Variants in SIPA1L2 observed in about 807,000 individuals in gnomAD.
SIPA1L2 encodes signal-induced proliferation-associated 1-like protein 2.
A neutral mutation model predicts 163.9 loss-of-function variants in SIPA1L2; 56 were observed. The observed-to-expected ratio is 0.34, with a 90% CI of 0.28 to 0.43. The LOEUF (loss-of-function observed/expected upper bound fraction) is 0.43. Among genes scored for constraint, SIPA1L2 ranks in the 20% least tolerant of loss-of-function variants. The pLI is 1.00. For missense variants in SIPA1L2, 1,974 were observed against 2,193.5 expected (o/e 0.90, Z 2.00); for synonymous variants, 877 against 865.7 (o/e 1.01, Z -0.23).
At chr1:232,432,797 G>A (rs556089067) in intron 15 of SIPA1L2, among the ~76,000 whole-genome samples, 10 of 152,266 alleles carry the variant, frequency 6.6e-5, no homozygotes, top group African/African-American at 1.2e-4. Flanking sequence ...TATATTTGTC[G>A]GAGAAGGTGC....
chr1:232,441,229 T>A (rs1033127012), intron 14 of SIPA1L2, 62 bp downstream of exon 14: 1 of 1,277,578 alleles, frequency 7.8e-7, no homozygotes, highest in Non-Finnish European at 1.1e-6. Context: ...GCTGTACCAC[T>A]GTGTGCTGAG....
intron 2 of SIPA1L2, among the ~76,000 whole-genome samples, chr1:232,524,509 G>GA (rs1203113919): frequency 1.3e-5 from 2 of 151,864 alleles, no homozygotes; most frequent in Non-Finnish European, 2.9e-5. Context: ...CTCTACATCT[G>GA]AAAAATCTAC....
chr1:232,591,167 C>G (rs6662528), intron 1 of SIPA1L2, among the ~76,000 whole-genome samples: 41,022 of 152,018 alleles, frequency 0.27, 5,707 homozygotes, highest in African/African-American at 0.32. Flanking sequence ...GACAAAACAG[C>G]CAAAAAGCAT....
intron 9 of SIPA1L2, among the ~76,000 whole-genome samples, chr1:232,463,024 TG>T (rs745716567): frequency 6.5e-4 from 99 of 152,344 alleles, no homozygotes; most frequent in Non-Finnish European, 1.1e-3. Context: ...AAGCCAGGAC[TG>T]GCTATGTAAT....
chr1:232,401,865 A>G (rs749477411), intron 22 of SIPA1L2, among the ~76,000 whole-genome samples: 2 of 152,160 alleles, frequency 1.3e-5, no homozygotes, highest in Non-Finnish European at 2.9e-5. Context: ...TGGACAGCCA[A>G]CTGGCTCTCC....
chr1:232,435,321 C>A (rs1662494309), intron 15 of SIPA1L2, among the ~76,000 whole-genome samples: 1 of 152,162 alleles, frequency 6.6e-6, no homozygotes, highest in Non-Finnish European at 1.5e-5. Context: ...TATTTTATCC[C>A]AACTGTAAGA....
intron 2 of SIPA1L2, among the ~76,000 whole-genome samples, chr1:232,517,908 G>A (rs772411533): frequency 2.6e-5 from 4 of 151,956 alleles, no homozygotes; most frequent in Admixed American, 6.6e-5. Context: ...TTAGCCCGGC[G>A]TGGCGGTACA....
At chr1:232,418,782 C>T (rs992274705) in intron 18 of SIPA1L2, among the ~76,000 whole-genome samples, 1 of 152,198 alleles carries the variant, frequency 6.6e-6, no homozygotes, top group Admixed American at 6.5e-5. Flanking sequence ...CCCCCTCCTC[C>T]AGTGGTGAAT....
At chr1:232,547,689 C>T (rs902646983) in intron 2 of SIPA1L2, among the ~76,000 whole-genome samples, 8 of 152,080 alleles carry the variant, frequency 5.3e-5, no homozygotes, top group Admixed American at 2.0e-4. Flanking sequence ...CCAAATCCTA[C>T]GTTATTCAAA....
chr1:232,521,155 CCAG>C (rs1399800280), intron 2 of SIPA1L2, among the ~76,000 whole-genome samples: 1 of 152,136 alleles, frequency 6.6e-6, no homozygotes, highest in East Asian at 1.9e-4. Context: ...AACATAAAAA[CCAG>C]CAGAATTCTC....
chr1:232,626,033 T>C (rs1257177419), intron 1 of SIPA1L2, among the ~76,000 whole-genome samples: 1 of 152,190 alleles, frequency 6.6e-6, no homozygotes, highest in African/African-American at 2.4e-5. Context: ...ACAGCTCCTC[T>C]CTGGATAGGA....
intron 19 of SIPA1L2, among the ~76,000 whole-genome samples, chr1:232,408,121 C>G (rs1192499677): frequency 2.6e-5 from 4 of 152,156 alleles, no homozygotes; most frequent in African/African-American, 9.7e-5. Context: ...CTTAGGAATT[C>G]TGACATGTAA....
At chr1:232,492,690 C>T (rs1300760262) in intron 4 of SIPA1L2, among the ~76,000 whole-genome samples, 1 of 152,122 alleles carries the variant, frequency 6.6e-6, no homozygotes, top group East Asian at 1.9e-4. Flanking sequence ...TTGCATGGGG[C>T]CTGTAGCCTC....
In SIPA1L2 at chr1:232,441,814, G is replaced by A. The variant is rs764682648; in HGVS notation, c.3492C>T (p.Asp1164=). 59 of 1,613,680 alleles carry A rather than the reference G, an allele frequency of 3.7e-5. No individual in the cohort carries two copies. The highest frequency in any genetic ancestry group is 1.2e-4 in the South Asian group (11 of 90,928). Residue 1164 remains aspartate (D), a synonymous_variant, in exon 13 of 23, where the codon GAC becomes GAT. Transcript: ENST00000674635. The part of the protein sequence containing the change: ...EHQGSGPLEC[D]GAREREDTME... ...TGGTGTCTTCCCTCTCCCTGGCTCCGTCACATTCCAAAGGGCCTGAGCCCT... is the reference window on the plus strand; with the variant it reads ...TGGTGTCTTCCCTCTCCCTGGCTCCATCACATTCCAAAGGGCCTGAGCCCT...
chr1:232,595,717 CTG>C lies in SIPA1L2; in HGVS notation c.-318-21497_-318-21496del, dbSNP rs376615814. Among the ~76,000 whole-genome samples the C allele has an allele frequency of 2.0e-4, 30 of 152,294 alleles. 1 individual carries two copies. The East Asian group carries it at 4.2e-3, about 22-fold the overall frequency. On this transcript the variant is annotated intron_variant, in intron 1 of 22. Transcript: ENST00000674635. ...ATGGTGGACTATGTTTAGGTAGAGTCTGTGCTACAAATGACCATTTTCTTCCA... is the reference window on the plus strand; with the variant it reads ...ATGGTGGACTATGTTTAGGTAGAGTCTGCTACAAATGACCATTTTCTTCCA...
chr1:232,541,435 G>C (rs1657672423), intron 2 of SIPA1L2, among the ~76,000 whole-genome samples: 1 of 152,054 alleles, frequency 6.6e-6, no homozygotes, highest in African/African-American at 2.4e-5. Flanking sequence ...TTTAACAGTA[G>C]GTTCTACGGG....
intron 1 of SIPA1L2, among the ~76,000 whole-genome samples, chr1:232,578,930 GA>G (rs1399932963): frequency 6.6e-6 from 1 of 152,098 alleles, no homozygotes; most frequent in Non-Finnish European, 1.5e-5. Flanking sequence ...CTTTAGACAG[GA>G]AAAAAAGAAA....
intron 1 of SIPA1L2, among the ~76,000 whole-genome samples, chr1:232,610,755 A>T (rs1379825159): frequency 6.6e-6 from 1 of 152,198 alleles, no homozygotes; most frequent in East Asian, 1.9e-4. Context: ...GTTGGAACTC[A>T]TCAGAGGCCA....
At chr1:232,410,338 T>A (rs905897757) in intron 19 of SIPA1L2, among the ~76,000 whole-genome samples, 3 of 152,172 alleles carry the variant, frequency 2.0e-5, no homozygotes, top group African/African-American at 7.2e-5. Flanking sequence ...CTTCACCTAC[T>A]GTAACTTTTT....
Sources: allele counts gnomAD v4.1 joint callset (sites outside exome capture counted in the v4.1 genomes callset), GRCh38; gene constraint gnomAD v4.1.1; transcripts MANE v1.5; gene names NCBI Gene and HGNC (gene_info 2026-07-23, HGNC 2026-07-21).